Variants in SASH1 observed in about 807,000 individuals in gnomAD.
The protein encoded by SASH1 is SAM and SH3 domain containing 1.
A neutral mutation model predicts 125.2 loss-of-function variants in SASH1; 44 were observed. That is an observed-to-expected ratio of 0.35 (90% CI 0.28 to 0.45). The LOEUF is 0.45. Among genes scored for constraint, SASH1 ranks in the 20% least tolerant of loss-of-function variants. The probability of loss-of-function intolerance (pLI) is 1.00; values close to 1 mark genes in which losing one functional copy is unlikely to be tolerated. For synonymous variants in SASH1, 639 were observed against 649.1 expected (o/e 0.98, Z 0.24); for missense variants, 1,426 against 1,614.5 (o/e 0.88, Z 2.00).
At position 148,550,950 on chromosome 6, in the gene SASH1, G is replaced by A. The variant is rs1782846525; in HGVS notation, c.*2392G>A. 1 of 152,594 alleles carries A rather than the reference G, an allele frequency of 6.6e-6. No individual in the cohort carries two copies. Among genetic ancestry groups the A allele is most frequent in the Non-Finnish European group, 1.5e-5 (1 of 68,046 alleles). 9.5% of individuals were successfully genotyped at this position (152,594 alleles called of 1,614,324 possible). A position where few individuals can be genotyped will look rare whatever the true frequency, so the allele number is the denominator to read the frequency against. On this transcript the variant is annotated 3_prime_UTR_variant, in exon 20 of 20. Coordinates refer to ENST00000367467, the MANE Select transcript of SASH1 (RefSeq NM_015278.5). ...TTTCATTTCAGTGAAAGTCGCAGCA[G>A]AAGAGGGAACTTTCTGGAGTTTTTG...
chr6:148,489,005 G>T (rs1440399200), intron 8 of SASH1, among the ~76,000 whole-genome samples: 1 of 151,734 alleles, frequency 6.6e-6, no homozygotes, highest in African/African-American at 2.4e-5. Context: ...TTTTTTTGTT[G>T]CCTGTGCTTT....
chr6:148,321,876 T>C (rs771911233), intron 1 of SASH1, among the ~76,000 whole-genome samples: 2 of 152,214 alleles, frequency 1.3e-5, no homozygotes, highest in African/African-American at 4.8e-5. Context: ...GAGGAGTCTA[T>C]TTGATCTTTA....
At chr6:148,276,891 C>T (rs572266432) in intron 1 of SASH1, among the ~76,000 whole-genome samples, 26 of 152,082 alleles carry the variant, frequency 1.7e-4, no homozygotes, top group Admixed American at 1.4e-3. Flanking sequence ...TAGAGACAAG[C>T]CTGGGCAATG....
chr6:148,404,556 A>AGGCTATGGTTGCTG (rs1784299547), intron 2 of SASH1, among the ~76,000 whole-genome samples: 1 of 14,316 alleles, frequency 7.0e-5, no homozygotes, highest in African/African-American at 3.1e-4. Context: ...CCCCCAGCCC[A>AGGCTATGGTTGCTG]GCCCATCCCT....
At chr6:148,303,665 G>A (rs895937866) in intron 1 of SASH1, among the ~76,000 whole-genome samples, 3 of 151,474 alleles carry the variant, frequency 2.0e-5, no homozygotes, top group African/African-American at 7.3e-5. Context: ...GGTGGTGGCG[G>A]GCACCCATAA....
In SASH1 at chr6:148,302,341, A is replaced by AAAAAAAAAAAAAAAAAAAAAAAAAAAAT. The variant is rs34513109; in HGVS notation, n.74+29964_74+29965insAAAAAAAAAAAAAAAAAAAAAAAAAAAT. ...AAAAAAAAAAAAAAAAAAAAAAAAA[A>AAAAAAAAAAAAAAAAAAAAAAAAAAAAT]CTAGTAATATTATGACCTTGGTTAA... On this transcript the variant is annotated intron_variant and non_coding_transcript_variant, in intron 1 of 3. Transcript: ENST00000367469. Among the ~76,000 whole-genome samples the AAAAAAAAAAAAAAAAAAAAAAAAAAAAT allele has an allele frequency of 2.9e-5, 3 of 104,442 alleles. 1 individual carries two copies. Among genetic ancestry groups the AAAAAAAAAAAAAAAAAAAAAAAAAAAAT allele is most frequent in the Non-Finnish European group, 3.8e-5 (2 of 53,242 alleles). 68.5% of individuals were successfully genotyped at this position (104,442 alleles called of 152,430 possible).
Position 148,440,880 on chromosome 6 carries a change from A to C in SASH1, c.386+473A>C, listed in dbSNP as rs541829629. On this transcript the variant is annotated intron_variant, in intron 4 of 19. Transcript: ENST00000367467. ...TGAATGTGTGTGTTAAAAAATGGCA[A>C]ATGATCCCTAGCGTTTCCTGTTAAA... Among the ~76,000 whole-genome samples, 9 of 152,170 alleles carry C rather than the reference A, an allele frequency of 5.9e-5. No individual in the cohort carries two copies. In the South Asian group the frequency reaches 1.9e-3, roughly 32 times the overall value.
At chr6:148,402,474 T>C (rs2114873453) in intron 2 of SASH1, among the ~76,000 whole-genome samples, 1 of 152,070 alleles carries the variant, frequency 6.6e-6, no homozygotes, top group Non-Finnish European at 1.5e-5. Context: ...CATGCCGGAC[T>C]TTTTTTGTAT....
chr6:148,489,906 A>G (rs1039343913), intron 8 of SASH1, among the ~76,000 whole-genome samples: 6 of 145,138 alleles, frequency 4.1e-5, no homozygotes, highest in African/African-American at 1.3e-4. Flanking sequence ...AGGGTTTTCT[A>G]TATATAAGAT....
intron 4 of SASH1, among the ~76,000 whole-genome samples, chr6:148,465,591 G>C (rs1176863736): frequency 6.6e-6 from 1 of 151,492 alleles, no homozygotes; most frequent in Non-Finnish European, 1.5e-5. Flanking sequence ...TTAGGGTGAG[G>C]ACAAAAATAC....
chr6:148,462,533 C>T (rs1247196736), intron 4 of SASH1, among the ~76,000 whole-genome samples: 1 of 152,106 alleles, frequency 6.6e-6, no homozygotes, highest in Admixed American at 6.6e-5. Context: ...GGCTTCCTTT[C>T]CTTCTAGAAG....
rs111960640 is a variant in SASH1 at position 148,499,595 on chromosome 6, A to G, written c.729+11880A>G. Among the ~76,000 whole-genome samples the G allele has an allele frequency of 4.2e-3, 638 of 152,294 alleles. 2 individuals are homozygous for G. The highest frequency in any genetic ancestry group is 6.2e-3 in the Non-Finnish European group (419 of 68,024). On this transcript the variant is annotated intron_variant, in intron 8 of 19. Coordinates refer to ENST00000367467, the MANE Select transcript of SASH1 (RefSeq NM_015278.5). ...TGCCTATTGTGATAGGTGCACACAGAAAGTCCAGCAAGCCCCAGCAAAGAG... is the reference window on the plus strand; with the variant it reads ...TGCCTATTGTGATAGGTGCACACAGGAAGTCCAGCAAGCCCCAGCAAAGAG...
intron 8 of SASH1, among the ~76,000 whole-genome samples, chr6:148,507,320 A>G (rs6929362): frequency 0.26 from 39,974 of 151,940 alleles, 5,637 homozygotes; most frequent in Middle Eastern, 0.38. Context: ...GTGGTAAAAC[A>G]TGACCCTCCA....
chr6:148,262,929 AG>A, the SASH1 span, among the ~76,000 whole-genome samples: 1 of 152,194 alleles, frequency 6.6e-6, no homozygotes, highest in Non-Finnish European at 1.5e-5. Flanking sequence ...TCAAGCTTAG[AG>A]GAACGGAGCT....
chr6:148,326,474 G>A lies in SASH1; in HGVS notation n.74+54097G>A, dbSNP rs370325667. Among the ~76,000 whole-genome samples, 449 of 141,640 alleles carry A rather than the reference G, an allele frequency of 3.2e-3. 3 individuals are homozygous for A. Among genetic ancestry groups the A allele is most frequent in the African/African-American group, 0.011 (418 of 37,768 alleles). 92.9% of individuals were successfully genotyped at this position (141,640 alleles called of 152,430 possible). A position where few individuals can be genotyped will look rare whatever the true frequency, so the allele number is the denominator to read the frequency against. On this transcript the variant is annotated intron_variant and non_coding_transcript_variant, in intron 1 of 3. Coordinates refer to the SASH1 transcript ENST00000367469. ...GGCTAGAGTGCAATGGCGTGATCTC[G>A]GCTCACTGCAACCACTGCCTCCCGG...
At chr6:148,217,273 G>T in the SASH1 span, among the ~76,000 whole-genome samples, 2 of 152,170 alleles carry the variant, frequency 1.3e-5, no homozygotes, top group African/African-American at 4.8e-5. Flanking sequence ...ACCTCTCTGA[G>T]CCTTGTCCTT....
At chr6:148,445,179 G>A (rs1776717527) in intron 4 of SASH1, among the ~76,000 whole-genome samples, 1 of 152,134 alleles carries the variant, frequency 6.6e-6, no homozygotes, top group African/African-American at 2.4e-5. Context: ...TGTTTTATCG[G>A]CAGGATCTTT....
chr6:148,298,667 G>GAGGAAGGAAGGAAGGAAGGA (rs71031057), intron 1 of SASH1, among the ~76,000 whole-genome samples: 3 of 55,714 alleles, frequency 5.4e-5, no homozygotes, highest in South Asian at 1.2e-3. Flanking sequence ...GGGAGGGAGG[G>GAGGAAGGAAGGAAGGAAGGA]AGGAAGGAAG....
intron 8 of SASH1, among the ~76,000 whole-genome samples, chr6:148,505,276 A>G (rs984166567): frequency 6.6e-6 from 1 of 152,216 alleles, no homozygotes; most frequent in African/African-American, 2.4e-5. Context: ...GATGCTGGCC[A>G]TATGACAAGC....
Sources: gnomAD v4.1 joint callset for allele counts (sites outside exome capture counted in the v4.1 genomes callset) on GRCh38, gnomAD v4.1.1 for gene constraint, MANE v1.5 for transcripts, NCBI Gene and HGNC (gene_info 2026-07-23, HGNC 2026-07-21) for gene names.